The following BRINP3 variants were observed in gnomAD, a reference collection of about 807,000 sequenced individuals.
BRINP3 encodes the protein BMP/retinoic acid inducible neural specific 3, also known as BMP/retinoic acid-inducible neural-specific protein 3.
In BRINP3, 19 loss-of-function variants were observed where a neutral mutation model predicts 71.0. The ratio of observed to expected loss-of-function variants is 0.27; its 90% CI spans 0.19 to 0.39. The LOEUF (loss-of-function observed/expected upper bound fraction) is 0.39. BRINP3 is among the 10% of genes least tolerant of loss of function. The pLI is 1.00. For synonymous variants in BRINP3, 380 were observed against 337.7 expected (o/e 1.13, Z -1.37); for missense variants, 959 against 940.8 (o/e 1.02, Z -0.25).
At chr1:190,124,860 C>A (rs189094569) in intron 7 of BRINP3, among the ~76,000 whole-genome samples, 2 of 152,098 alleles carry the variant, frequency 1.3e-5, no homozygotes. Flanking sequence ...TTTATATTTA[C>A]CTAAAATCTT....
At chr1:190,369,601 C>T (rs1669728763) in intron 2 of BRINP3, among the ~76,000 whole-genome samples, 1 of 151,484 alleles carries the variant, frequency 6.6e-6, no homozygotes, top group East Asian at 1.9e-4. Flanking sequence ...GACAAAAAGA[C>T]AATGTGTTTT....
chr1:190,449,175 ACT>A (rs570036626), intron 2 of BRINP3, among the ~76,000 whole-genome samples: 45 of 151,712 alleles, frequency 3.0e-4, no homozygotes, highest in South Asian at 6.2e-4. Context: ...TTTTCACTAA[ACT>A]CTGTGTGATA....
chr1:190,156,669 T>C (rs1656894709), intron 7 of BRINP3, among the ~76,000 whole-genome samples: 1 of 152,036 alleles, frequency 6.6e-6, no homozygotes. Flanking sequence ...GAAGTCTGCA[T>C]TGTTTTTGTG....
At chr1:190,373,431 T>C (rs1057210253) in intron 2 of BRINP3, among the ~76,000 whole-genome samples, 4 of 126,508 alleles carry the variant, frequency 3.2e-5, no homozygotes, top group African/African-American at 9.0e-5. Context: ...ATTATATATA[T>C]ATATGTGTGT....
chr1:190,340,311 C>A (rs530260777), intron 2 of BRINP3, among the ~76,000 whole-genome samples: 1 of 151,860 alleles, frequency 6.6e-6, no homozygotes, highest in East Asian at 1.9e-4. Context: ...CTGGGTGAGG[C>A]TTAAAAGTCT....
intron 4 of BRINP3, among the ~76,000 whole-genome samples, chr1:190,240,289 T>G (rs1466611343): frequency 2.0e-5 from 3 of 152,076 alleles, no homozygotes; most frequent in East Asian, 3.8e-4. Flanking sequence ...GCAGGTTTCC[T>G]TTGCCTATAG....
intron 2 of BRINP3, among the ~76,000 whole-genome samples, chr1:190,309,587 G>A (rs1665375764): frequency 6.6e-6 from 1 of 151,742 alleles, no homozygotes; most frequent in African/African-American, 2.4e-5. Context: ...TTAACCTCAT[G>A]ATCGAAGATT....
intron 7 of BRINP3, among the ~76,000 whole-genome samples, chr1:190,140,227 T>C (rs1342838977): frequency 1.3e-5 from 2 of 152,194 alleles, no homozygotes; most frequent in East Asian, 1.9e-4. Context: ...GCAAATATTG[T>C]TCATGTTGAA....
Position 190,454,911 on chromosome 1 carries a change from G to A in BRINP3, c.-21C>T. 6.3e-7 allele frequency: 1 copy of A among 1,593,272 alleles called. No individual in the cohort carries two copies. Among genetic ancestry groups the A allele is most frequent in the Non-Finnish European group, 8.6e-7 (1 of 1,162,146 alleles). On this transcript the variant is annotated 5_prime_UTR_variant, in exon 2 of 8. Coordinates refer to ENST00000367462, the MANE Select transcript of BRINP3 (RefSeq NM_199051.3). ...ATCATGCTTCCACTGGGGATTTAGAGCCTTCATTCTCTCAGCTTTCCCTCA... is the reference window on the plus strand; with the variant it reads ...ATCATGCTTCCACTGGGGATTTAGAACCTTCATTCTCTCAGCTTTCCCTCA...
At position 190,376,964 on chromosome 1, in the gene BRINP3, A is replaced by G. The variant is rs1471021662; in HGVS notation, c.236+77691T>C. ...TTTTTTGCAATTATGAAATTGTTTT[A>G]TATCTCTATCCTCCAATTTGATGGT... On this transcript the variant is annotated intron_variant, in intron 2 of 7. Coordinates refer to ENST00000367462, the MANE Select transcript of BRINP3 (RefSeq NM_199051.3). Among the ~76,000 whole-genome samples the G allele has an allele frequency of 2.0e-5, 3 of 152,052 alleles. No individual in the cohort carries two copies. In the East Asian group the frequency reaches 5.8e-4, roughly 29 times the overall value.
At chr1:190,465,022 C>T (rs1362993211) in intron 1 of BRINP3, among the ~76,000 whole-genome samples, 1 of 151,926 alleles carries the variant, frequency 6.6e-6, no homozygotes, top group East Asian at 1.9e-4. Context: ...ATGCTAATAC[C>T]TAATGGTAGA....
intron 2 of BRINP3, among the ~76,000 whole-genome samples, chr1:190,353,545 G>A (rs1395361173): frequency 1.3e-5 from 2 of 152,092 alleles, no homozygotes; most frequent in Middle Eastern, 3.4e-3. Flanking sequence ...ACTGAAACAC[G>A]ATTATAAAAA....
chr1:190,432,009 C>G (rs888999010), intron 2 of BRINP3, among the ~76,000 whole-genome samples: 3 of 151,966 alleles, frequency 2.0e-5, no homozygotes, highest in African/African-American at 7.2e-5. Context: ...ATTAAAAGGA[C>G]TATACTAAAG....
At chr1:190,448,755 TATTAC>T (rs1329855700) in intron 2 of BRINP3, among the ~76,000 whole-genome samples, 5 of 151,934 alleles carry the variant, frequency 3.3e-5, no homozygotes, top group Non-Finnish European at 7.4e-5. Flanking sequence ...TATTTACACT[TATTAC>T]ATTTGCTATA....
At chr1:190,406,180 T>C (rs529349703) in intron 2 of BRINP3, among the ~76,000 whole-genome samples, 168 of 152,314 alleles carry the variant, frequency 1.1e-3, no homozygotes, top group African/African-American at 3.0e-3. Context: ...AATGTAGTGA[T>C]TGTTACAGGA....
intron 7 of BRINP3, among the ~76,000 whole-genome samples, chr1:190,128,466 G>A (rs1654266742): frequency 1.3e-5 from 2 of 151,732 alleles, no homozygotes; most frequent in Non-Finnish European, 3.0e-5. Flanking sequence ...AATTGATGAT[G>A]TATGTCTACA....
chr1:190,282,815 G>A (rs1663138953), intron 2 of BRINP3, among the ~76,000 whole-genome samples: 1 of 151,946 alleles, frequency 6.6e-6, no homozygotes, highest in Non-Finnish European at 1.5e-5. Context: ...ATTCTGATAT[G>A]TACTGAGAGA....
intron 6 of BRINP3, among the ~76,000 whole-genome samples, chr1:190,198,479 A>G (rs1261220640): frequency 6.6e-6 from 1 of 152,076 alleles, no homozygotes; most frequent in Admixed American, 6.6e-5. Context: ...ATATTTGTGA[A>G]TATATACATA....
At chr1:190,468,175 A>G (rs1014391988) in intron 1 of BRINP3, among the ~76,000 whole-genome samples, 1 of 151,390 alleles carries the variant, frequency 6.6e-6, no homozygotes. Flanking sequence ...ATGCAAATAT[A>G]TATCTAAAAT....
Sources: gnomAD v4.1 joint callset for allele counts (sites outside exome capture counted in the v4.1 genomes callset) on GRCh38, gnomAD v4.1.1 for gene constraint, MANE v1.5 for transcripts, NCBI Gene and HGNC (gene_info 2026-07-23, HGNC 2026-07-21) for gene names.